EYA4: variants seen among roughly 807,000 people sequenced by gnomAD.
EYA4 encodes the protein EYA transcriptional coactivator and phosphatase 4, also known as protein phosphatase EYA4.
In EYA4, 31 loss-of-function variants were observed where a neutral mutation model predicts 87.9. The observed-to-expected ratio is 0.35, with a 90% CI of 0.27 to 0.48. The LOEUF (loss-of-function observed/expected upper bound fraction) is 0.48, where lower values mean the gene tolerates loss of function less well. Ranked by LOEUF, EYA4 falls within the 20% of genes least tolerant of loss-of-function variation. EYA4 has a pLI of 0.99. For missense variants in EYA4, 678 were observed against 761.4 expected, an observed-to-expected ratio of 0.89 and a Z score of 1.29; for synonymous variants, 263 against 270.6, an observed-to-expected ratio of 0.97 and a Z score of 0.28.
chr6:133,460,176 A>AT (rs1235344730), intron 6 of EYA4, among the ~76,000 whole-genome samples: 1 of 152,152 alleles, frequency 6.6e-6, no homozygotes, highest in East Asian at 1.9e-4. Context: ...GATTAGACTA[A>AT]ACTAATTCCA....
Position 133,468,628 on chromosome 6 carries a change from G to C in EYA4, c.867G>C (p.Thr289=). The change falls in exon 11 of 20, where the codon ACG becomes ACC. Residue 289 remains threonine, a synonymous_variant. Coordinates refer to ENST00000355286, the MANE Select transcript of EYA4 (RefSeq NM_004100.5). ...ATGCACAGTATTATTCAGCATCAAC[G>C]TATGGAGCGTATATGACATCGAATA... ...NQYAQYYSAS[T]YGAYMTSNNT... The C allele has an allele frequency of 6.2e-7, 1 of 1,612,616 alleles. No individual in the cohort carries two copies. The highest frequency in any genetic ancestry group is 1.7e-5 in the Admixed American group (1 of 59,858).
chr6:133,377,863 A>G (rs1345805988), intron 2 of EYA4, among the ~76,000 whole-genome samples: 4 of 152,058 alleles, frequency 2.6e-5, no homozygotes, highest in African/African-American at 4.8e-5. Flanking sequence ...TTACTTATGC[A>G]AGGTGGGTCG....
At chr6:133,390,689 C>T (rs1787183530) in intron 3 of EYA4, among the ~76,000 whole-genome samples, 1 of 152,234 alleles carries the variant, frequency 6.6e-6, no homozygotes, top group Non-Finnish European at 1.5e-5. Flanking sequence ...CCCCTGCTGT[C>T]TCCATTTCCT....
At chr6:133,329,403 A>G (rs1781749254) in intron 2 of EYA4, among the ~76,000 whole-genome samples, 2 of 152,078 alleles carry the variant, frequency 1.3e-5, no homozygotes, top group Admixed American at 6.5e-5. Context: ...CCTCTCATGA[A>G]AGAGATGAAA....
At chr6:133,254,794 G>A (rs1305690024) in intron 1 of EYA4, among the ~76,000 whole-genome samples, 1 of 152,150 alleles carries the variant, frequency 6.6e-6, no homozygotes, top group African/African-American at 2.4e-5. Context: ...TTGCAGATGA[G>A]ATGTTGTATT....
At position 133,350,844 on chromosome 6, in the gene EYA4, T is replaced by G. The variant is rs547425835; in HGVS notation, c.34-31548T>G. Among the ~76,000 whole-genome samples the G allele has an allele frequency of 2.6e-5, 4 of 152,262 alleles. No homozygotes were observed. In the South Asian group the frequency reaches 8.3e-4, roughly 32 times the overall value. On this transcript the variant is annotated intron_variant, in intron 2 of 19. Coordinates refer to ENST00000355286, the MANE Select transcript of EYA4 (RefSeq NM_004100.5). ...TGCATTTCATTCCATTTCTATACAT[T>G]TCATTTCTTTTTTTGTTATATTCAT...
chr6:133,525,504 A>G (rs147825328), intron 19 of EYA4, among the ~76,000 whole-genome samples: 3 of 152,172 alleles, frequency 2.0e-5, no homozygotes, highest in East Asian at 1.9e-4. Context: ...GTATATACAT[A>G]TAGTAAATAT....
chr6:133,353,485 A>G (rs1042591398), intron 2 of EYA4, among the ~76,000 whole-genome samples: 3 of 152,162 alleles, frequency 2.0e-5, no homozygotes, highest in African/African-American at 2.4e-5. Flanking sequence ...GCAAGCAAAC[A>G]CACATAAAAA....
chr6:133,274,767 A>C lies in EYA4; in HGVS notation c.-14A>C. 1 of 1,612,502 alleles carries C rather than the reference A, an allele frequency of 6.2e-7. No individual in the cohort carries two copies. Among genetic ancestry groups the C allele is most frequent in the South Asian group, 1.1e-5 (1 of 91,046 alleles). On this transcript the variant is annotated 5_prime_UTR_variant, in exon 2 of 20. Transcript: ENST00000355286. The stretch of plus-strand genomic sequence containing the variant: ...GCTTCTACTTGGGAGTGGCAGGAGA[A>C]GTGAGAAAACCACATGGAAGACTCC...
intron 1 of EYA4, among the ~76,000 whole-genome samples, chr6:133,266,226 A>G (rs1199526591): frequency 6.6e-6 from 1 of 152,198 alleles, no homozygotes; most frequent in Non-Finnish European, 1.5e-5. Flanking sequence ...ACTTAAGAGG[A>G]AAATTTGTAC....
rs961020974 is a variant in EYA4 at position 133,530,482 on chromosome 6, A to C, written c.*1677A>C. 1.0e-6 allele frequency: 1 copy of C among 985,674 alleles called. No individual in the cohort carries two copies. The highest frequency in any genetic ancestry group is 1.2e-6 in the Non-Finnish European group (1 of 829,916). The allele number at this position is 985,674 out of a possible 1,614,324, so 61.1% of individuals were successfully genotyped here. ...TCTGCACCTGCAGTTCTGTGTTTAA[A>C]ATGTCATAATGTGGATCCTGGAGTC... On this transcript the variant is annotated 3_prime_UTR_variant, in exon 20 of 20. Coordinates refer to ENST00000355286, the MANE Select transcript of EYA4 (RefSeq NM_004100.5).
intron 3 of EYA4, among the ~76,000 whole-genome samples, chr6:133,424,853 A>C (rs1562404539): frequency 6.6e-6 from 1 of 150,656 alleles, no homozygotes; most frequent in Admixed American, 6.6e-5. Flanking sequence ...GCCCACTCAG[A>C]AGGGATGGGG....
intron 2 of EYA4, among the ~76,000 whole-genome samples, chr6:133,328,730 A>ATG (rs1174071613): frequency 6.6e-6 from 1 of 152,116 alleles, no homozygotes. Context: ...AACCAGACAA[A>ATG]TGTATATATA....
In EYA4 at chr6:133,529,114, G is replaced by A; in HGVS notation, c.*309G>A. The A allele has an allele frequency of 8.3e-7, 1 of 1,197,606 alleles. No individual in the cohort carries two copies. The highest frequency in any genetic ancestry group is 1.1e-6 in the Non-Finnish European group (1 of 950,424). The allele number at this position is 1,197,606 out of a possible 1,614,324, so 74.2% of individuals were successfully genotyped here. Reference sequence around the variant, plus strand: ...GCTTTAGCAAAGAACTCTTACCCTGGCAAAGCAGCAACACACATGCTCCGT... The same window carrying A: ...GCTTTAGCAAAGAACTCTTACCCTGACAAAGCAGCAACACACATGCTCCGT... On this transcript the variant is annotated 3_prime_UTR_variant, in exon 20 of 20. Transcript: ENST00000355286.
intron 2 of EYA4, among the ~76,000 whole-genome samples, chr6:133,287,806 G>A (rs1040466415): frequency 3.9e-5 from 6 of 152,154 alleles, no homozygotes; most frequent in Non-Finnish European, 7.4e-5. Context: ...TGGCTTAGGG[G>A]ATCTTGAAGG....
At chr6:133,412,467 G>A (rs1342868941) in intron 3 of EYA4, among the ~76,000 whole-genome samples, 1 of 152,114 alleles carries the variant, frequency 6.6e-6, no homozygotes, top group Non-Finnish European at 1.5e-5. Context: ...CAACACTGTA[G>A]ATCAATATTG....
intron 1 of EYA4, among the ~76,000 whole-genome samples, chr6:133,250,717 G>C (rs143948676): frequency 6.4e-4 from 98 of 152,284 alleles, no homozygotes; most frequent in African/African-American, 2.1e-3. Flanking sequence ...CTCTAACATT[G>C]ATGAGTTTGT....
At chr6:133,330,653 T>C (rs1781870771) in intron 2 of EYA4, among the ~76,000 whole-genome samples, 1 of 151,676 alleles carries the variant, frequency 6.6e-6, no homozygotes, top group Admixed American at 6.6e-5. Flanking sequence ...TTAAAAGCTG[T>C]ATGTTTAGCT....
At position 133,531,177 on chromosome 6, in the gene EYA4, A is replaced by G; in HGVS notation, c.*2372A>G. On this transcript the variant is annotated 3_prime_UTR_variant, in exon 20 of 20. Transcript: ENST00000355286. ...GTTGCATCACCCCGTGCAGTTTCTC[A>G]CACACATCTCTTTTTCTGATTCTGT... 6.5e-7 allele frequency: 1 copy of G among 1,535,008 alleles called. No homozygotes were observed. Among genetic ancestry groups the G allele is most frequent in the Non-Finnish European group, 8.7e-7 (1 of 1,146,696 alleles).
Sources: allele counts gnomAD v4.1 joint callset (sites outside exome capture counted in the v4.1 genomes callset), GRCh38; gene constraint gnomAD v4.1.1; transcripts MANE v1.5; gene names NCBI Gene and HGNC (gene_info 2026-07-23, HGNC 2026-07-21).